Variants in TNFSF4 observed in about 807,000 individuals in gnomAD.
TNFSF4 encodes TNF superfamily member 4.
A neutral mutation model predicts 7.3 loss-of-function variants in TNFSF4; 4 were observed. The observed-to-expected ratio is 0.55, with a 90% CI of 0.27 to 1.25. The LOEUF is 1.25. TNFSF4 is among the 50% of genes most tolerant of loss of function. The pLI is 0.12. For missense variants in TNFSF4, 181 were observed against 208.8 expected (o/e 0.87, Z 0.82); for synonymous variants, 76 against 83.7 (o/e 0.91, Z 0.50).
the TNFSF4 span, chr1:173,363,455 T>C: frequency 2.6e-6 from 1 of 377,694 alleles, no homozygotes; most frequent in Non-Finnish European, 5.3e-6. Flanking sequence ...ATTGTTTCTC[T>C]AGACAAGGTT....
the TNFSF4 span, among the ~76,000 whole-genome samples, chr1:173,219,798 T>A: frequency 6.6e-6 from 1 of 152,082 alleles, no homozygotes; most frequent in Non-Finnish European, 1.5e-5. Flanking sequence ...AACCCAGGAA[T>A]GGAAAACCAA....
the TNFSF4 span, among the ~76,000 whole-genome samples, chr1:173,424,236 C>G: frequency 1.3e-5 from 2 of 152,218 alleles, no homozygotes; most frequent in Non-Finnish European, 2.9e-5. Context: ...TATTTCTTCT[C>G]TTTACTTGCT....
the TNFSF4 span, among the ~76,000 whole-genome samples, chr1:173,237,142 T>C: frequency 3.3e-5 from 5 of 152,208 alleles, no homozygotes; most frequent in Non-Finnish European, 7.3e-5. Flanking sequence ...TCTCCTTTGC[T>C]TTCCACCATG....
chr1:173,249,540 T>C, the TNFSF4 span, among the ~76,000 whole-genome samples: 22 of 152,280 alleles, frequency 1.4e-4, no homozygotes, highest in African/African-American at 4.3e-4. Context: ...CCACACCCAG[T>C]ACACCACAGG....
the TNFSF4 span, among the ~76,000 whole-genome samples, chr1:173,239,510 CT>C: frequency 3.9e-5 from 6 of 152,308 alleles, no homozygotes; most frequent in South Asian, 1.2e-3. Context: ...TGTTCTGTCA[CT>C]TTTTTCCCCC....
the TNFSF4 span, among the ~76,000 whole-genome samples, chr1:173,274,457 T>C: frequency 6.6e-6 from 1 of 152,100 alleles, no homozygotes; most frequent in Non-Finnish European, 1.5e-5. Flanking sequence ...TTGCAAAAGA[T>C]ATTGCCAGAT....
the TNFSF4 span, among the ~76,000 whole-genome samples, chr1:173,177,358 C>T: frequency 2.3e-4 from 35 of 152,116 alleles, no homozygotes; most frequent in African/African-American, 7.7e-4. Flanking sequence ...AGCAAAATGC[C>T]TCATGTTCTT....
intron 1 of TNFSF4, among the ~76,000 whole-genome samples, chr1:173,191,113 C>A (rs1489063380): frequency 6.6e-6 from 1 of 152,140 alleles, no homozygotes; most frequent in African/African-American, 2.4e-5. Flanking sequence ...CAAAAATATC[C>A]TGCAACTTAA....
the TNFSF4 span, among the ~76,000 whole-genome samples, chr1:173,307,689 C>T: frequency 6.6e-6 from 1 of 151,712 alleles, no homozygotes; most frequent in African/African-American, 2.4e-5. Context: ...CACAAAGGGA[C>T]ATGATATACT....
At chr1:173,274,866 A>C in the TNFSF4 span, among the ~76,000 whole-genome samples, 1 of 152,146 alleles carries the variant, frequency 6.6e-6, no homozygotes, top group East Asian at 1.9e-4. Flanking sequence ...ATGTTTAATA[A>C]AGAGTATCTT....
chr1:173,333,823 C>T, the TNFSF4 span, among the ~76,000 whole-genome samples: 1 of 152,134 alleles, frequency 6.6e-6, no homozygotes, highest in Admixed American at 6.5e-5. Flanking sequence ...AACTGAAACA[C>T]AGGCTTTTCC....
downstream of TNFSF4, among the ~76,000 whole-genome samples, chr1:173,182,193 C>T (rs1649066807): frequency 1.3e-5 from 2 of 152,130 alleles, no homozygotes. Context: ...ATTTCTTTTT[C>T]TTATTCTCTT....
the TNFSF4 span, among the ~76,000 whole-genome samples, chr1:173,383,053 A>T: frequency 1.3e-5 from 2 of 152,186 alleles, no homozygotes; most frequent in East Asian, 3.8e-4. Flanking sequence ...TCATGCTTTC[A>T]TCTTAGTTAT....
chr1:173,311,595 C>T, the TNFSF4 span, among the ~76,000 whole-genome samples: 1 of 152,068 alleles, frequency 6.6e-6, no homozygotes, highest in Admixed American at 6.5e-5. Flanking sequence ...GGGAAGCCAC[C>T]CTCTAGGGTG....
chr1:173,443,214 A>G, the TNFSF4 span, among the ~76,000 whole-genome samples: 4 of 152,236 alleles, frequency 2.6e-5, no homozygotes, highest in African/African-American at 9.6e-5. Context: ...AAACTTTTAA[A>G]TGCCATCTAA....
At chr1:173,373,445 T>C in the TNFSF4 span, among the ~76,000 whole-genome samples, 1 of 152,060 alleles carries the variant, frequency 6.6e-6, no homozygotes, top group Non-Finnish European at 1.5e-5. Context: ...GGGGGCATAG[T>C]TTTCTCTCCT....
the TNFSF4 span, among the ~76,000 whole-genome samples, chr1:173,353,432 C>T: frequency 6.6e-6 from 1 of 152,196 alleles, no homozygotes; most frequent in Non-Finnish European, 1.5e-5. Context: ...TCCCGCAACA[C>T]ATGTGCCTGT....
At chr1:173,398,076 A>C in the TNFSF4 span, among the ~76,000 whole-genome samples, 7 of 152,340 alleles carry the variant, frequency 4.6e-5, no homozygotes, top group Non-Finnish European at 7.4e-5. Context: ...TCTGTCCATA[A>C]GGCCAACAAA....
chr1:173,213,487 G>A, the TNFSF4 span, among the ~76,000 whole-genome samples: 87 of 152,002 alleles, frequency 5.7e-4, 1 homozygote, highest in South Asian at 6.0e-3. Context: ...TTTAAATTGC[G>A]TATTTAAAAT....
Sources: gnomAD v4.1 joint callset for allele counts (sites outside exome capture counted in the v4.1 genomes callset) on GRCh38, gnomAD v4.1.1 for gene constraint, MANE v1.5 for transcripts, NCBI Gene and HGNC (gene_info 2026-07-23, HGNC 2026-07-21) for gene names.